Variants in TNR observed in about 807,000 individuals in gnomAD.
TNR encodes the protein tenascin R.
In TNR, 45 loss-of-function variants were observed where a neutral mutation model predicts 150.4. The observed-to-expected ratio is 0.30, with a 90% CI of 0.24 to 0.38. The LOEUF (loss-of-function observed/expected upper bound fraction) is 0.38, where lower values mean the gene tolerates loss of function less well. TNR is among the 10% of genes least tolerant of loss of function. TNR has a pLI of 1.00. For missense variants in TNR, 1,544 were observed against 1,759.1 expected (o/e 0.88, Z 2.19); for synonymous variants, 687 against 678.4 (o/e 1.01, Z -0.20).
intron 20 of TNR, among the ~76,000 whole-genome samples, chr1:175,332,339 AC>A (rs1298845621): frequency 6.6e-6 from 1 of 152,108 alleles, no homozygotes; most frequent in African/African-American, 2.4e-5. Context: ...TCCAGCCAAA[AC>A]CACATTTTTG....
rs538557079 is a variant in TNR, at chr1:175,636,878, A to G, written c.-165+106348T>C. 2.3e-3 allele frequency among the ~76,000 whole-genome samples: 353 copies of G among 152,356 alleles called. 1 individual carries two copies. The highest frequency in any genetic ancestry group is 8.0e-3 in the African/African-American group (332 of 41,582). The stretch of plus-strand genomic sequence containing the variant: ...GACAATATGTCAACAACACTATTCA[A>G]TAATGAGTTCCCTTTGCGACCTCCA... On this transcript the variant is annotated intron_variant, in intron 1 of 22. Transcript: ENST00000367674.
intron 15 of TNR, 130 bp from the exon 16 acceptor site, chr1:175,356,592 C>G (rs1451451806): frequency 9.3e-7 from 1 of 1,073,766 alleles, no homozygotes; most frequent in Non-Finnish European, 1.3e-6. Flanking sequence ...CATAGGTTAT[C>G]TAGCTTAGTA....
At chr1:175,582,768 C>T (rs984198218) in intron 1 of TNR, among the ~76,000 whole-genome samples, 1 of 152,022 alleles carries the variant, frequency 6.6e-6, no homozygotes, top group African/African-American at 2.4e-5. Flanking sequence ...AATTTAATTG[C>T]CATTGTAACA....
intron 2 of TNR, among the ~76,000 whole-genome samples, chr1:175,456,511 G>A (rs984961794): frequency 6.6e-6 from 1 of 152,280 alleles, no homozygotes; most frequent in African/African-American, 2.4e-5. Context: ...ACACTTAGAC[G>A]GTGCTTAATA....
At position 175,516,307 on chromosome 1, in the gene TNR, C is replaced by T. The variant is rs918590102; in HGVS notation, c.-64+11962G>A. On this transcript the variant is annotated intron_variant, in intron 2 of 22. Coordinates refer to ENST00000367674, the MANE Select transcript of TNR (RefSeq NM_003285.3). ...AGGGGGACTCAGTGAACCACCTTTG[C>T]AAATGAGGCAAGGTCCTGGTTTCCG... Among the ~76,000 whole-genome samples, 26 of 152,256 alleles carry T rather than the reference C, an allele frequency of 1.7e-4. 1 individual carries two copies. Among genetic ancestry groups the T allele is most frequent in the South Asian group, 2.1e-4 (1 of 4,808 alleles).
At chr1:175,371,218 T>G (rs1188952977) in intron 9 of TNR, among the ~76,000 whole-genome samples, 1 of 152,178 alleles carries the variant, frequency 6.6e-6, no homozygotes, top group African/African-American at 2.4e-5. Context: ...CTGCAAGTGG[T>G]AACATATAAA....
chr1:175,582,606 A>T (rs1662398553), intron 1 of TNR, among the ~76,000 whole-genome samples: 1 of 152,212 alleles, frequency 6.6e-6, no homozygotes, highest in South Asian at 2.1e-4. Flanking sequence ...AGAACTCCAC[A>T]TAGTGAGCCA....
At chr1:175,398,469 A>C (rs1653542282) in intron 4 of TNR, among the ~76,000 whole-genome samples, 1 of 152,226 alleles carries the variant, frequency 6.6e-6, no homozygotes, top group African/African-American at 2.4e-5. Context: ...TTTGAATTTC[A>C]CTAAAACCTT....
intron 1 of TNR, among the ~76,000 whole-genome samples, chr1:175,591,586 C>T (rs1351485376): frequency 6.6e-6 from 1 of 152,194 alleles, no homozygotes; most frequent in Non-Finnish European, 1.5e-5. Context: ...GGGGTGGTGA[C>T]ATGAAGGGGC....
chr1:175,620,380 A>G (rs1428173853), intron 1 of TNR, among the ~76,000 whole-genome samples: 1 of 152,242 alleles, frequency 6.6e-6, no homozygotes, highest in Non-Finnish European at 1.5e-5. Flanking sequence ...TAGACGAAAC[A>G]TAACAACCAG....
Position 175,363,721 on chromosome 1 carries a change from A to G in TNR, c.2694T>C (p.Tyr898=), listed in dbSNP as rs370052398. The G allele has an allele frequency of 1.9e-5, 31 of 1,613,546 alleles. No homozygotes were observed. The highest frequency in any genetic ancestry group is 2.5e-5 in the Non-Finnish European group (29 of 1,179,806). The part of the protein sequence containing the change: ...VASFDYYRVS[Y]RPTQVGRLDS... ...TCACTTTGTTACCTTGGGTGGGTCGATATGATACTCGGTAGTAATCGAAAG... is the reference window on the plus strand; with the variant it reads ...TCACTTTGTTACCTTGGGTGGGTCGGTATGATACTCGGTAGTAATCGAAAG... Residue 898 remains tyrosine, a synonymous_variant, in exon 13 of 23, where the codon TAT becomes TAC. Coordinates refer to ENST00000367674, the MANE Select transcript of TNR (RefSeq NM_003285.3).
chr1:175,714,873 A>G (rs759868854), intron 1 of TNR, among the ~76,000 whole-genome samples: 2 of 152,304 alleles, frequency 1.3e-5, no homozygotes, highest in East Asian at 1.9e-4. Flanking sequence ...CCTTCCCGCT[A>G]TGGCTTTCCT....
intron 7 of TNR, among the ~76,000 whole-genome samples, chr1:175,389,259 C>A (rs949652031): frequency 6.6e-6 from 1 of 152,200 alleles, no homozygotes; most frequent in African/African-American, 2.4e-5. Flanking sequence ...ATCTCCTGAC[C>A]CTTCTTCTCC....
intron 1 of TNR, among the ~76,000 whole-genome samples, chr1:175,581,992 T>C (rs1229513939): frequency 6.6e-6 from 1 of 152,186 alleles, no homozygotes; most frequent in Admixed American, 6.5e-5. Context: ...GGCCAGAATC[T>C]AGGATTCATC....
chr1:175,491,787 C>G (rs1658266469), intron 2 of TNR, among the ~76,000 whole-genome samples: 1 of 151,696 alleles, frequency 6.6e-6, no homozygotes, highest in African/African-American at 2.4e-5. Context: ...GTCGCTGGGA[C>G]TATAGGCACC....
At chr1:175,538,727 C>T (rs534957490) in intron 1 of TNR, 43 of 152,356 alleles carry the variant, frequency 2.8e-4, no homozygotes, top group African/African-American at 9.4e-4. Flanking sequence ...AACGATACCC[C>T]TCCACATACA....
intron 2 of TNR, among the ~76,000 whole-genome samples, chr1:175,475,065 T>C (rs537922119): frequency 6.6e-6 from 1 of 152,198 alleles, no homozygotes; most frequent in Non-Finnish European, 1.5e-5. Flanking sequence ...CAGCTGCTCA[T>C]ATAATCCCAG....
chr1:175,630,552 T>A (rs1421201772), intron 1 of TNR, among the ~76,000 whole-genome samples: 1 of 152,158 alleles, frequency 6.6e-6, no homozygotes, highest in Non-Finnish European at 1.5e-5. Flanking sequence ...TCGTTCTCTC[T>A]CTCTTTTCCT....
At chr1:175,697,106 T>A (rs959640948) in intron 1 of TNR, among the ~76,000 whole-genome samples, 1 of 151,914 alleles carries the variant, frequency 6.6e-6, no homozygotes, top group Non-Finnish European at 1.5e-5. Context: ...TTTGCGTGTA[T>A]ATGTATGTAC....
Sources: gnomAD v4.1 joint callset for allele counts (sites outside exome capture counted in the v4.1 genomes callset) on GRCh38, gnomAD v4.1.1 for gene constraint, MANE v1.5 for transcripts, NCBI Gene and HGNC (gene_info 2026-07-23, HGNC 2026-07-21) for gene names.